Variants in CACNA1E observed in about 807,000 individuals in gnomAD.
CACNA1E encodes voltage-dependent R-type calcium channel subunit alpha-1E.
A neutral mutation model predicts 259.2 loss-of-function variants in CACNA1E; 40 were observed. That is an observed-to-expected ratio of 0.15 (90% CI 0.12 to 0.20). The LOEUF is 0.20. Ranked by LOEUF, CACNA1E falls within the 10% of genes least tolerant of loss-of-function variation. The pLI is 1.00. For synonymous variants in CACNA1E, 1,104 were observed against 1,138.5 expected (o/e 0.97, Z 0.61); for missense variants, 1,874 against 3,040.1 (o/e 0.62, Z 9.02).
rs746840110 is a variant in CACNA1E, at chr1:181,361,031, A to G, written c.-15+42908A>G. Among the ~76,000 whole-genome samples the G allele has an allele frequency of 4.6e-5, 7 of 152,130 alleles. No homozygotes were observed. The South Asian group carries it at 8.3e-4, about 18-fold the overall frequency. On this transcript the variant is annotated intron_variant, in intron 1 of 11. Transcript: ENST00000524607. ...GGTTCCTCTTTCTTAGGGACCTAGT[A>G]CATCTTTCCACTCCTTGCTTCACAG...
intron 1 of CACNA1E, among the ~76,000 whole-genome samples, chr1:181,380,251 A>G (rs1350237106): frequency 6.6e-6 from 1 of 152,032 alleles, no homozygotes; most frequent in South Asian, 2.1e-4. Flanking sequence ...CCTGCCTACA[A>G]GAAACATACT....
intron 6 of CACNA1E, among the ~76,000 whole-genome samples, chr1:181,645,082 G>A (rs1006046353): frequency 1.2e-4 from 18 of 152,218 alleles, no homozygotes; most frequent in Admixed American, 9.2e-4. Flanking sequence ...AGCCGCGCAG[G>A]GAGGAAGGCA....
intron 7 of CACNA1E, among the ~76,000 whole-genome samples, chr1:181,705,416 G>A (rs1652698015): frequency 1.3e-5 from 2 of 152,214 alleles, no homozygotes; most frequent in Admixed American, 1.3e-4. Flanking sequence ...AAATACAAAT[G>A]TAGTAACCAG....
intron 7 of CACNA1E, among the ~76,000 whole-genome samples, chr1:181,692,011 T>A (rs1031876004): frequency 6.6e-6 from 1 of 152,126 alleles, no homozygotes; most frequent in Admixed American, 6.6e-5. Context: ...AGCATTTCTA[T>A]ACATCAGTAG....
chr1:181,429,269 C>T (rs12085947), intron 2 of CACNA1E, among the ~76,000 whole-genome samples: 60,603 of 152,094 alleles, frequency 0.4, 12,368 homozygotes, highest in African/African-American at 0.46. Context: ...CCTCTCTGGG[C>T]CCTTTTTAAT....
intron 7 of CACNA1E, among the ~76,000 whole-genome samples, chr1:181,709,301 T>G (rs534725741): frequency 2.0e-5 from 3 of 152,318 alleles, no homozygotes; most frequent in Non-Finnish European, 4.4e-5. Context: ...TTTGACTCTT[T>G]CCTTCCCTTC....
intron 18 of CACNA1E, among the ~76,000 whole-genome samples, chr1:181,727,265 T>C (rs56730677): frequency 0.028 from 4,300 of 152,106 alleles, 209 homozygotes; most frequent in African/African-American, 0.098. Flanking sequence ...AGAGGAGAAA[T>C]CAGCTAAGGA....
At chr1:181,687,781 A>G (rs1650731128) in intron 7 of CACNA1E, among the ~76,000 whole-genome samples, 1 of 151,990 alleles carries the variant, frequency 6.6e-6, no homozygotes, top group Non-Finnish European at 1.5e-5. Context: ...TTTTTTTCCT[A>G]CTATAACTTT....
At chr1:181,786,224 G>A (rs564057598) in intron 43 of CACNA1E, among the ~76,000 whole-genome samples, 1 of 152,160 alleles carries the variant, frequency 6.6e-6, no homozygotes, top group Non-Finnish European at 1.5e-5. Context: ...TGTAAGAGGG[G>A]AATAAAACCA....
Position 181,341,136 on chromosome 1 carries a change from C to T in CACNA1E, c.-15+23013C>T, listed in dbSNP as rs1019107468. On this transcript the variant is annotated intron_variant, in intron 1 of 11. Coordinates refer to the CACNA1E transcript ENST00000524607. ...TGGTCCTGCCCTCCTAGTCCACCTCCGAGAGGAGCACCTTCCTGCCTTGCC... is the reference window on the plus strand; with the variant it reads ...TGGTCCTGCCCTCCTAGTCCACCTCTGAGAGGAGCACCTTCCTGCCTTGCC... Among the ~76,000 whole-genome samples, 13 of 152,090 alleles carry T rather than the reference C, an allele frequency of 8.5e-5. No individual in the cohort carries two copies. The East Asian group carries it at 2.3e-3, about 27-fold the overall frequency.
intron 8 of CACNA1E, among the ~76,000 whole-genome samples, chr1:181,711,806 A>T (rs1653394381): frequency 6.6e-6 from 1 of 152,106 alleles, no homozygotes; most frequent in Non-Finnish European, 1.5e-5. Context: ...GAGGAACAGG[A>T]GACAGAGTGA....
chr1:181,730,040 G>A (rs539573504), intron 18 of CACNA1E, among the ~76,000 whole-genome samples: 7 of 152,164 alleles, frequency 4.6e-5, no homozygotes, highest in Non-Finnish European at 1.0e-4. Context: ...CTGCATCAGT[G>A]GGTGCTCCTG....
At chr1:181,390,556 C>T (rs1656189765) in intron 1 of CACNA1E, among the ~76,000 whole-genome samples, 1 of 152,062 alleles carries the variant, frequency 6.6e-6, no homozygotes, top group Non-Finnish European at 1.5e-5. Flanking sequence ...GAGTGTAAAT[C>T]CATGAGTCAG....
rs1199555905 is a variant in CACNA1E at position 181,329,131 on chromosome 1, T to C, written c.-15+11008T>C. Among the ~76,000 whole-genome samples the C allele has an allele frequency of 3.3e-5, 5 of 152,298 alleles. No individual in the cohort carries two copies. The South Asian group carries it at 6.2e-4, about 19-fold the overall frequency. ...CACCCGCAAGTCCAGGAGTCATTGTTGATACTTGCATCTCTGTATTCCTGT... is the reference window on the plus strand; with the variant it reads ...CACCCGCAAGTCCAGGAGTCATTGTCGATACTTGCATCTCTGTATTCCTGT... On this transcript the variant is annotated intron_variant, in intron 1 of 11. Coordinates refer to the CACNA1E transcript ENST00000524607.
chr1:181,331,834 G>T (rs946219543), intron 1 of CACNA1E, among the ~76,000 whole-genome samples: 39 of 152,192 alleles, frequency 2.6e-4, no homozygotes, highest in Non-Finnish European at 1.2e-4. Context: ...TTATTAAATA[G>T]GGAATCCTTT....
intron 39 of CACNA1E, among the ~76,000 whole-genome samples, chr1:181,782,539 T>C (rs1325867685): frequency 6.6e-6 from 1 of 152,224 alleles, no homozygotes; most frequent in African/African-American, 2.4e-5. Context: ...AGAAACTGGC[T>C]TTCCACTCTA....
At chr1:181,479,104 CAT>C (rs1663060650), upstream of CACNA1E, among the ~76,000 whole-genome samples, 1 of 152,196 alleles carries the variant, frequency 6.6e-6, no homozygotes, top group Non-Finnish European at 1.5e-5. Flanking sequence ...TTCAGAAAAA[CAT>C]GTGGAGCATT....
Position 181,717,042 on chromosome 1 carries a change from C to T in CACNA1E, c.1316-51C>T, listed in dbSNP as rs148945972. 126 of 1,522,536 alleles carry T rather than the reference C, an allele frequency of 8.3e-5. 2 individuals are homozygous for T. The East Asian group carries it at 2.0e-3, about 24-fold the overall frequency. 94.3% of individuals were successfully genotyped at this position (1,522,536 alleles called of 1,614,324 possible). A position where few individuals can be genotyped will look rare whatever the true frequency, so the allele number is the denominator to read the frequency against. On this transcript the variant is annotated intron_variant, in intron 10 of 47. Coordinates refer to ENST00000367573, the MANE Select transcript of CACNA1E (RefSeq NM_001205293.3). The stretch of plus-strand genomic sequence containing the variant: ...CTTGCCCTTCGAATGCTCCCTGGCC[C>T]GGACCACAGGATATTTTGCAGTCTC...
At chr1:181,709,913 T>C (rs1653168211) in intron 7 of CACNA1E, among the ~76,000 whole-genome samples, 1 of 152,140 alleles carries the variant, frequency 6.6e-6, no homozygotes, top group African/African-American at 2.4e-5. Context: ...GGAAGGGTGT[T>C]TGGTGATGAG....
Sources: gnomAD v4.1 joint callset for allele counts (sites outside exome capture counted in the v4.1 genomes callset) on GRCh38, gnomAD v4.1.1 for gene constraint, MANE v1.5 for transcripts, NCBI Gene and HGNC (gene_info 2026-07-23, HGNC 2026-07-21) for gene names.